PGK1: variants seen among roughly 807,000 people sequenced by gnomAD.
PGK1 encodes the protein PRP 2.
In PGK1, 3 loss-of-function variants were observed where a neutral mutation model predicts 26.9. That is an observed-to-expected ratio of 0.11 (90% confidence interval 0.05 to 0.29). PGK1 has a LOEUF of 0.29. PGK1 is among the 10% of genes least tolerant of loss of function. The pLI, the probability that PGK1 is intolerant of heterozygous loss-of-function variation, is 1.00. For synonymous variants in PGK1, 125 were observed against 115.3 expected (o/e 1.08, Z -0.54); for missense variants, 270 against 314.7 (o/e 0.86, Z 1.07).
chrX:78,104,248 G>C lies in PGK1; in HGVS notation c.-93G>C. On this transcript the variant is annotated 5_prime_UTR_variant, in exon 1 of 11. Coordinates refer to ENST00000373316, the MANE Select transcript of PGK1 (RefSeq NM_000291.4). ...TGGGCCCTGTTCCTGCCCGCGCGGT[G>C]TTCCGCATTCTGCAAGCCTCCGGAG... 7.4e-6 allele frequency: 5 copies of C among 674,961 alleles called. No individual in the cohort carries two copies. Among genetic ancestry groups the C allele is most frequent in the Non-Finnish European group, 1.2e-5 (5 of 416,749 alleles). 55.6% of individuals were successfully genotyped at this position (674,961 alleles called of 1,213,427 possible).
At chrX:78,115,324 C>A (rs1557247353) in intron 4 of PGK1, among the ~76,000 whole-genome samples, 1 of 110,872 alleles carries the variant, frequency 9.0e-6, no homozygotes, top group African/African-American at 3.3e-5. Flanking sequence ...CTTTTAATAC[C>A]TGAAATTTCA....
chrX:78,105,258 A>G (rs1389989093), intron 1 of PGK1, among the ~76,000 whole-genome samples: 1 of 112,072 alleles, frequency 8.9e-6, no homozygotes, highest in Admixed American at 9.4e-5. Context: ...TTGTTGGTAG[A>G]GTGGGCAGCT....
In PGK1 at chrX:78,113,726, G is replaced by T. The variant is rs782388076; in HGVS notation, c.117-18G>T. 3.3e-6 allele frequency: 4 copies of T among 1,202,412 alleles called. No homozygotes were observed. In the South Asian group the frequency reaches 5.3e-5, roughly 16 times the overall value. ...TAGGAGTAACTTCATTCTGTTTGTTGTCTCTCTTTGGTTGCAGGATTAAGG... is the reference window on the plus strand; with the variant it reads ...TAGGAGTAACTTCATTCTGTTTGTTTTCTCTCTTTGGTTGCAGGATTAAGG... On this transcript the variant is annotated intron_variant, in intron 2 of 10. Transcript: ENST00000373316.
At position 78,118,138 on chromosome X, in the gene PGK1, C is replaced by T; in HGVS notation, c.609C>T (p.Ser203=). 8.3e-7 allele frequency: 1 copy of T among 1,209,551 alleles called. No homozygotes were observed. Among genetic ancestry groups the T allele is most frequent in the Non-Finnish European group, 1.1e-6 (1 of 893,951 alleles). The change falls in exon 6 of 11, where the codon AGC becomes AGT. Residue 203 remains serine (S), a synonymous_variant. Transcript: ENST00000373316. ...ELNYFAKALE[S]PERPFLAILG... ...ACTACTTTGCAAAGGCCTTGGAGAG[C>T]CCAGAGCGACCCTTCCTGGCCATCC...
At chrX:78,105,972 C>T (rs1372865446) in intron 1 of PGK1, among the ~76,000 whole-genome samples, 2 of 112,059 alleles carry the variant, frequency 1.8e-5, no homozygotes, top group Non-Finnish European at 3.8e-5. Context: ...CTGTGTTCGA[C>T]GCTGATTCTT....
At chrX:78,113,978 C>A (rs782099861) in intron 3 of PGK1, 38 bp from the exon 4 acceptor site, 2 of 1,208,312 alleles carry the variant, frequency 1.7e-6, no homozygotes, top group Non-Finnish European at 2.2e-6. Flanking sequence ...TTTTAACTTT[C>A]ATACTGCTCA....
intron 6 of PGK1, among the ~76,000 whole-genome samples, chrX:78,120,605 C>T (rs1028141661): frequency 2.7e-5 from 3 of 109,956 alleles, no homozygotes; most frequent in Non-Finnish European, 5.7e-5. Flanking sequence ...AGCGATCCTC[C>T]CACCTCAGCC....
At chrX:78,117,280 A>T (rs782277397) in intron 4 of PGK1, 32 bp from the exon 5 acceptor site, 2 of 955,719 alleles carry the variant, frequency 2.1e-6, no homozygotes, top group Non-Finnish European at 3.0e-6. Context: ...CTTTGGAGCC[A>T]TCACATTTTC....
intron 1 of PGK1, among the ~76,000 whole-genome samples, chrX:78,105,298 T>C (rs2078266701): frequency 1.8e-5 from 2 of 111,769 alleles, no homozygotes; most frequent in Non-Finnish European, 3.8e-5. Context: ...TCACGTGTGA[T>C]ATATTTGTGC....
chrX:78,111,165 ATC>A (rs1204092495), intron 2 of PGK1, among the ~76,000 whole-genome samples: 1 of 109,385 alleles, frequency 9.1e-6, no homozygotes, highest in Non-Finnish European at 1.9e-5. Flanking sequence ...GCTCACTGCA[ATC>A]TCTGCCTCCT....
In PGK1 at chrX:78,114,078, C is replaced by T; in HGVS notation, c.335C>T (p.Ala112Val). ...PEVEKACANP[A>V]AGSVILLENL... is the part of the protein sequence containing the mutation. ...GTGGAGAAAGCCTGTGCCAACCCAG[C>T]TGCTGGGTCTGTCATCCTGCTGGAG... Residue 112 changes from alanine (A) to valine (V), a missense_variant, in exon 4 of 11, where the codon GCT becomes GTT. Physicochemically the swap from Ala to Val is moderately conservative, Grantham distance 64 (BLOSUM62 0). Coordinates refer to ENST00000373316, the MANE Select transcript of PGK1 (RefSeq NM_000291.4). 1 of 1,209,206 alleles carries T rather than the reference C, an allele frequency of 8.3e-7. No individual in the cohort carries two copies.
rs1557249063 is a variant in PGK1 at position 78,129,220 on chromosome X, C to CCTACCTATCTAT, written c.*3393_*3394insCCTATCTATCTA. ...CATAAAGAGCATACCCATGTGTGTA[C>CCTACCTATCTAT]CTATCTATCTATCTATCTATCTATC... On this transcript the variant is annotated 3_prime_UTR_variant, in exon 11 of 11. Transcript: ENST00000373316. 2.0e-5 allele frequency: 2 copies of CCTACCTATCTAT among 100,035 alleles called. No individual in the cohort carries two copies. The highest frequency in any genetic ancestry group is 3.8e-5 in the African/African-American group (1 of 26,572). 8.2% of individuals were successfully genotyped at this position (100,035 alleles called of 1,213,427 possible).
intron 6 of PGK1, 147 bp from the exon 7 acceptor site, chrX:78,122,688 G>A (rs1603398456): frequency 2.2e-6 from 1 of 464,717 alleles, no homozygotes; most frequent in African/African-American, 2.4e-5. Context: ...TTTTGGGTTG[G>A]AGAAACATAG....
chrX:78,122,083 C>T (rs782148194), intron 6 of PGK1, among the ~76,000 whole-genome samples: 2 of 110,652 alleles, frequency 1.8e-5, no homozygotes, highest in Admixed American at 9.6e-5. Context: ...TGTTGTACGC[C>T]TGTGGTCGCA....
intron 2 of PGK1, among the ~76,000 whole-genome samples, chrX:78,112,975 CAT>C (rs1202918780): frequency 3.6e-5 from 4 of 112,035 alleles, no homozygotes; most frequent in Non-Finnish European, 5.6e-5. Flanking sequence ...GAACTGGTAA[CAT>C]AGGGATCCTC....
chrX:78,110,646 T>G (rs781845489), intron 2 of PGK1, among the ~76,000 whole-genome samples: 73 of 110,157 alleles, frequency 6.6e-4, no homozygotes, highest in Admixed American at 1.5e-3. Flanking sequence ...TTAAGGTTAC[T>G]TGGCTTCTCT....
In PGK1 at chrX:78,128,605, T is replaced by C. The variant is rs1237995313; in HGVS notation, c.*2775T>C. 1.8e-5 allele frequency: 2 copies of C among 112,504 alleles called. No homozygotes were observed. The highest frequency in any genetic ancestry group is 9.4e-5 in the Admixed American group (1 of 10,664). 9.3% of individuals were successfully genotyped at this position (112,504 alleles called of 1,213,427 possible). A position where few individuals can be genotyped will look rare whatever the true frequency, so the allele number is the denominator to read the frequency against. On this transcript the variant is annotated 3_prime_UTR_variant, in exon 11 of 11. Transcript: ENST00000373316. ...CTTTCTAATTTGGAATTATGAATTA[T>C]TGGTAAAATATTGCAAAGGTGTATG...
intron 4 of PGK1, among the ~76,000 whole-genome samples, chrX:78,115,760 T>C (rs899202154): frequency 4.4e-5 from 5 of 112,636 alleles, no homozygotes; most frequent in African/African-American, 1.6e-4. Flanking sequence ...TCTAGTTATT[T>C]GCAGATCAGT....
At chrX:78,118,639 G>A (rs992128479) in intron 6 of PGK1, among the ~76,000 whole-genome samples, 1 of 111,335 alleles carries the variant, frequency 9.0e-6, no homozygotes. Flanking sequence ...AGAGGTGTGG[G>A]TAGGGTTCAG....
Sources: gnomAD v4.1 joint callset for allele counts (sites outside exome capture counted in the v4.1 genomes callset) on GRCh38, gnomAD v4.1.1 for gene constraint, MANE v1.5 for transcripts, NCBI Gene and HGNC (gene_info 2026-07-23, HGNC 2026-07-21) for gene names.